The following KCND3 variants were observed in gnomAD, a reference collection of about 807,000 sequenced individuals.
KCND3 encodes the protein potassium voltage-gated channel subfamily D member 3, also known as A-type voltage-gated potassium channel KCND3.
In KCND3, 9 loss-of-function variants were observed where a neutral mutation model predicts 51.1. The ratio of observed to expected loss-of-function variants is 0.18; its 90% CI spans 0.11 to 0.31. The LOEUF (loss-of-function observed/expected upper bound fraction) is 0.31, where lower values mean the gene tolerates loss of function less well. Ranked by LOEUF, KCND3 falls within the 10% of genes least tolerant of loss-of-function variation. KCND3 has a pLI of 1.00. For missense variants in KCND3, 526 were observed against 903.8 expected (o/e 0.58, Z 5.36); for synonymous variants, 349 against 368.0 (o/e 0.95, Z 0.59).
intron 2 of KCND3, among the ~76,000 whole-genome samples, chr1:111,943,392 C>T (rs1481242060): frequency 1.3e-5 from 2 of 152,208 alleles, no homozygotes; most frequent in African/African-American, 4.8e-5. Context: ...CTCCCCTGCC[C>T]ACTGGACTAG....
At chr1:111,978,783 G>A (rs1036240831) in intron 2 of KCND3, among the ~76,000 whole-genome samples, 3 of 152,168 alleles carry the variant, frequency 2.0e-5, no homozygotes, top group African/African-American at 4.8e-5. Flanking sequence ...AGGTCTAGAA[G>A]GGACTGAGAA....
rs1391045909 is a variant in KCND3, at chr1:111,876,158, TG to T, written c.1107-89053del. 1.3e-4 allele frequency among the ~76,000 whole-genome samples: 20 copies of T among 152,376 alleles called. No homozygotes were observed. In the East Asian group the frequency reaches 3.7e-3, roughly 28 times the overall value. On this transcript the variant is annotated intron_variant, in intron 2 of 7. Coordinates refer to ENST00000302127, the MANE Select transcript of KCND3 (RefSeq NM_001378969.1). ...GGCTAAATCCACTCTGCTGAAACTT[TG>T]GAGTGAACCAGTTGCCTATTCCCCT... is the stretch of plus-strand genomic sequence containing the variant.
intron 2 of KCND3, among the ~76,000 whole-genome samples, chr1:111,922,966 C>T (rs1671542020): frequency 1.3e-5 from 2 of 152,232 alleles, no homozygotes; most frequent in Non-Finnish European, 2.9e-5. Flanking sequence ...ACCAGGCACA[C>T]ACATTCAGAT....
intron 2 of KCND3, among the ~76,000 whole-genome samples, chr1:111,789,115 G>A (rs781666928): frequency 2.6e-5 from 4 of 152,250 alleles, no homozygotes; most frequent in Non-Finnish European, 5.9e-5. Context: ...ATAAAGCATG[G>A]CAGGAGTGCA....
chr1:111,955,205 T>C (rs1183554547), intron 2 of KCND3, among the ~76,000 whole-genome samples: 1 of 152,158 alleles, frequency 6.6e-6, no homozygotes, highest in East Asian at 1.9e-4. Context: ...GCCTAGGAGT[T>C]GAAGAGCAGC....
At chr1:111,831,443 A>G (rs1251007913) in intron 2 of KCND3, among the ~76,000 whole-genome samples, 3 of 152,172 alleles carry the variant, frequency 2.0e-5, no homozygotes, top group Non-Finnish European at 4.4e-5. Context: ...CCACCATGTA[A>G]GAAGAGCCTG....
intron 2 of KCND3, among the ~76,000 whole-genome samples, chr1:111,896,562 T>C (rs1207518735): frequency 6.6e-6 from 1 of 152,192 alleles, no homozygotes; most frequent in Non-Finnish European, 1.5e-5. Context: ...GTCAGCTGTC[T>C]AGTAGAGAGC....
intron 2 of KCND3, among the ~76,000 whole-genome samples, chr1:111,967,336 T>C (rs1305860434): frequency 6.6e-6 from 1 of 152,052 alleles, no homozygotes; most frequent in Non-Finnish European, 1.5e-5. Context: ...CCGTCTGAGC[T>C]CATCCTTTAA....
At chr1:111,968,666 C>G (rs1674152831) in intron 2 of KCND3, among the ~76,000 whole-genome samples, 1 of 152,174 alleles carries the variant, frequency 6.6e-6, no homozygotes, top group Non-Finnish European at 1.5e-5. Context: ...AGGTCAATGC[C>G]AGGACCTACT....
chr1:111,819,170 C>G (rs558773931), intron 2 of KCND3, among the ~76,000 whole-genome samples: 54 of 152,092 alleles, frequency 3.6e-4, no homozygotes, highest in Non-Finnish European at 7.4e-4. Context: ...CTCACACACT[C>G]ACATGTGTAC....
chr1:111,793,137 T>G (rs1664909239), intron 2 of KCND3, among the ~76,000 whole-genome samples: 3 of 151,336 alleles, frequency 2.0e-5, no homozygotes, highest in Admixed American at 6.6e-5. Context: ...AGCACTGGGA[T>G]TGCAGGTGTG....
chr1:111,980,064 A>G (rs1674858875), intron 2 of KCND3, among the ~76,000 whole-genome samples: 1 of 152,188 alleles, frequency 6.6e-6, no homozygotes, highest in Non-Finnish European at 1.5e-5. Context: ...CGACCTCTTG[A>G]CAGCACAAGC....
At chr1:111,870,835 G>C (rs1488744458) in intron 2 of KCND3, among the ~76,000 whole-genome samples, 1 of 152,248 alleles carries the variant, frequency 6.6e-6, no homozygotes, top group Non-Finnish European at 1.5e-5. Context: ...ATGTGGGATG[G>C]AAGACAGACA....
intron 2 of KCND3, among the ~76,000 whole-genome samples, chr1:111,952,744 A>G (rs1278948662): frequency 1.3e-5 from 2 of 152,108 alleles, no homozygotes; most frequent in East Asian, 3.9e-4. Flanking sequence ...CAAAACTCCC[A>G]TGCTTGCCTC....
chr1:111,822,008 C>T (rs998945810), intron 2 of KCND3, among the ~76,000 whole-genome samples: 4 of 152,014 alleles, frequency 2.6e-5, no homozygotes, highest in Admixed American at 2.6e-4. Flanking sequence ...AAGGATTGGT[C>T]TCTCCATGCC....
Position 111,780,414 on chromosome 1 carries a change from C to CA in KCND3, c.1372-101dup. On this transcript the variant is annotated intron_variant, in intron 4 of 7. Transcript: ENST00000302127. This position sits in a 1 kb window ranked among gnomAD's most constrained non-coding sequence, Gnocchi z 4.2. ...AAAGGTCAAAGGGCAATAGAATAAT[C>CA]AAATTTTTTTTTATTTGACCAAATT... 1 of 1,239,644 alleles carries CA rather than the reference C, an allele frequency of 8.1e-7. No homozygotes were observed. Among genetic ancestry groups the CA allele is most frequent in the Non-Finnish European group, 1.2e-6 (1 of 865,478 alleles). The allele number at this position is 1,239,644 out of a possible 1,614,324, so 76.8% of individuals were successfully genotyped here.
chr1:111,776,126 G>T lies in KCND3; in HGVS notation c.1919C>A (p.Thr640Lys). The T allele has an allele frequency of 6.2e-7, 1 of 1,614,230 alleles. No individual in the cohort carries two copies. Among genetic ancestry groups the T allele is most frequent in the Non-Finnish European group, 8.5e-7 (1 of 1,180,048 alleles). ...ATTGCTGGCTATGGAAGGAATGTTC[G>T]TGTTGGGGCCTGGGCTGGCAGGGGG... Reference protein sequence around the residue: ...RPPPASPGPNTNIPSIASNVV... With the variant: ...RPPPASPGPNKNIPSIASNVV... The change falls in exon 8 of 8, where the codon ACG (threonine) becomes AAG (lysine). Residue 640 changes from threonine (T) to lysine (K), a missense_variant. Thr to Lys is a moderately conservative substitution (Grantham distance 78). Around this residue, in one of 5 missense-constraint regions of KCND3, gnomAD observed 266 missense variants for 305.5 expected, o/e 0.87. Coordinates refer to ENST00000302127, the MANE Select transcript of KCND3 (RefSeq NM_001378969.1).
At chr1:111,978,575 T>C (rs1369022945) in intron 2 of KCND3, among the ~76,000 whole-genome samples, 1 of 152,108 alleles carries the variant, frequency 6.6e-6, no homozygotes, top group Admixed American at 6.5e-5. Context: ...GTTTCCAAGG[T>C]CACGTCAGTG....
At chr1:111,908,315 C>A (rs1670749168) in intron 2 of KCND3, among the ~76,000 whole-genome samples, 1 of 152,186 alleles carries the variant, frequency 6.6e-6, no homozygotes, top group African/African-American at 2.4e-5. Flanking sequence ...CTCAGAGAGG[C>A]AAAATAACTT....
Sources: allele counts gnomAD v4.1 joint callset (sites outside exome capture counted in the v4.1 genomes callset), GRCh38; gene constraint gnomAD v4.1.1; regional missense constraint gnomAD v4.1.1; non-coding constraint Gnocchi (gnomAD v3.1); transcripts MANE v1.5; gene names NCBI Gene and HGNC (gene_info 2026-07-23, HGNC 2026-07-21).